Variants in GPC3 observed in about 807,000 individuals in gnomAD.
GPC3 encodes glypican 3.
In GPC3, 3 loss-of-function variants were observed where a neutral mutation model predicts 34.4. The ratio of observed to expected loss-of-function variants is 0.09; its 90% CI spans 0.04 to 0.23. The LOEUF is 0.23. Ranked by LOEUF, GPC3 falls within the 10% of genes least tolerant of loss-of-function variation. The pLI, the probability that GPC3 is intolerant of heterozygous loss-of-function variation, is 1.00. For missense variants in GPC3, 351 were observed against 445.6 expected, an observed-to-expected ratio of 0.79 and a Z score of 1.91; for synonymous variants, 177 against 174.0, an observed-to-expected ratio of 1.02 and a Z score of -0.13.
rs192882687 is a variant in GPC3 at position 133,722,890 on chromosome X, C to G, written c.1033-22862G>C. ...CAGGTGAATTGAGAAGAGTCTGACC[C>G]CTGAACAAAAACAGCACAAAGAGAC... is the stretch of plus-strand genomic sequence containing the variant. On this transcript the variant is annotated intron_variant, in intron 3 of 7. Coordinates refer to ENST00000370818, the MANE Select transcript of GPC3 (RefSeq NM_004484.4). Among the ~76,000 whole-genome samples the G allele has an allele frequency of 2.9e-4, 32 of 111,469 alleles. No homozygotes were observed. In the East Asian group the frequency reaches 8.6e-3, roughly 30 times the overall value.
At chrX:133,730,279 C>G (rs1302665964) in intron 3 of GPC3, among the ~76,000 whole-genome samples, 5 of 112,172 alleles carry the variant, frequency 4.5e-5, no homozygotes, top group Non-Finnish European at 9.4e-5. Flanking sequence ...CATGGCCCAA[C>G]AGATACCTTT....
chrX:133,628,655 CAA>C (rs374067368), intron 6 of GPC3, among the ~76,000 whole-genome samples: 8 of 79,350 alleles, frequency 1.0e-4, no homozygotes, highest in Admixed American at 2.9e-4. Context: ...GACTCTGTCT[CAA>C]AAAAAAAAAA....
At chrX:133,903,832 G>A (rs980166583) in intron 2 of GPC3, among the ~76,000 whole-genome samples, 1 of 111,098 alleles carries the variant, frequency 9.0e-6, no homozygotes, top group Non-Finnish European at 1.9e-5. Context: ...ATCTGGGTCT[G>A]GTTTCTGATC....
intron 2 of GPC3, among the ~76,000 whole-genome samples, chrX:133,818,304 G>T (rs2075702178): frequency 2.7e-5 from 3 of 111,796 alleles, no homozygotes; most frequent in African/African-American, 9.8e-5. Context: ...AATTACTGAA[G>T]AACATGCACA....
chrX:133,936,122 G>T (rs1379605202), intron 2 of GPC3, among the ~76,000 whole-genome samples: 1 of 105,831 alleles, frequency 9.4e-6, no homozygotes, highest in East Asian at 2.9e-4. Flanking sequence ...ATGGTGTTTC[G>T]CCATATTGCC....
At chrX:133,793,404 G>A (rs900929265) in intron 2 of GPC3, among the ~76,000 whole-genome samples, 1 of 111,905 alleles carries the variant, frequency 8.9e-6, no homozygotes, top group African/African-American at 3.3e-5. Flanking sequence ...TTATTGTGAT[G>A]GCATAGGTTT....
chrX:133,716,734 AAGAG>A (rs1454516859), intron 3 of GPC3, among the ~76,000 whole-genome samples: 1 of 111,532 alleles, frequency 9.0e-6, no homozygotes, highest in East Asian at 2.8e-4. Context: ...TCAGAGAGAG[AAGAG>A]AGAAAGAAAA....
At chrX:133,820,881 T>G (rs1603253919) in intron 2 of GPC3, among the ~76,000 whole-genome samples, 1 of 111,848 alleles carries the variant, frequency 8.9e-6, no homozygotes, top group East Asian at 2.8e-4. Context: ...TGGGAGATAG[T>G]ACAAGAGTGT....
intron 2 of GPC3, among the ~76,000 whole-genome samples, chrX:133,786,295 C>T (rs1455195970): frequency 9.0e-6 from 1 of 111,249 alleles, no homozygotes; most frequent in East Asian, 2.8e-4. Flanking sequence ...CTCGGGAGGC[C>T]GAGGCAGGAG....
At chrX:133,898,735 T>C (rs774803550) in intron 2 of GPC3, among the ~76,000 whole-genome samples, 11 of 112,009 alleles carry the variant, frequency 9.8e-5, no homozygotes, top group Non-Finnish European at 1.3e-4. Flanking sequence ...AATCTATTAC[T>C]GCTAAGTGCA....
intron 3 of GPC3, among the ~76,000 whole-genome samples, chrX:133,718,707 G>T (rs1185218681): frequency 9.0e-6 from 1 of 111,280 alleles, no homozygotes; most frequent in East Asian, 2.8e-4. Context: ...GTCTACAAGA[G>T]ACACACTTTA....
At chrX:133,569,361 G>T (rs1239361383) in intron 7 of GPC3, among the ~76,000 whole-genome samples, 1 of 111,625 alleles carries the variant, frequency 9.0e-6, no homozygotes, top group Non-Finnish European at 1.9e-5. Context: ...CCAGCCAAAT[G>T]CCAGGAAGAT....
rs186054085 is a variant in GPC3 at position 133,894,577 on chromosome X, C to T, written c.337+58473G>A. 5.2e-3 allele frequency among the ~76,000 whole-genome samples: 579 copies of T among 112,117 alleles called. 19 individuals carry two copies. Among genetic ancestry groups the T allele is most frequent in the Admixed American group, 0.048 (505 of 10,594 alleles). ...TGAAGAGGCCGGGCACGGTGGCTCACGCCTGTGGTCCTAGTACTTTGGGAG... is the reference window on the plus strand; with the variant it reads ...TGAAGAGGCCGGGCACGGTGGCTCATGCCTGTGGTCCTAGTACTTTGGGAG... On this transcript the variant is annotated intron_variant, in intron 2 of 7. Coordinates refer to ENST00000370818, the MANE Select transcript of GPC3 (RefSeq NM_004484.4).
intron 5 of GPC3, among the ~76,000 whole-genome samples, chrX:133,680,073 C>G (rs1243379254): frequency 2.7e-5 from 3 of 111,857 alleles, no homozygotes; most frequent in African/African-American, 6.5e-5. Flanking sequence ...AGCCTTAACC[C>G]AGACAAAGGT....
intron 2 of GPC3, among the ~76,000 whole-genome samples, chrX:133,872,918 T>C (rs192999232): frequency 8.9e-6 from 1 of 112,571 alleles, no homozygotes; most frequent in African/African-American, 3.2e-5. Context: ...TTCTGAATGA[T>C]GGCTGCCTCC....
At chrX:133,855,549 A>ATATATATATATATATATAT in intron 2 of GPC3, among the ~76,000 whole-genome samples, 22 of 105,898 alleles carry the variant, frequency 2.1e-4, no homozygotes, top group Non-Finnish European at 2.9e-4. Flanking sequence ...ATATATATAT[A>ATATATATATATATATATAT]GTAAAATGGT....
Position 133,753,776 on chromosome X carries a change from C to A in GPC3, c.738G>T (p.Leu246=). ...TTCGGCCACAGTCCTTACTGAACTT[C>A]AGGTGATCAGTTGTGTTGATCACTT... is the stretch of plus-strand genomic sequence containing the variant. ...GIEVINTTDH[L]KFSKDCGRML... The change falls in exon 3 of 8, where the codon CTG becomes CTT. Residue 246 remains leucine, a synonymous_variant. Coordinates refer to ENST00000370818, the MANE Select transcript of GPC3 (RefSeq NM_004484.4). 1.7e-6 allele frequency: 2 copies of A among 1,211,590 alleles called. No individual in the cohort carries two copies. The highest frequency in any genetic ancestry group is 2.2e-6 in the Non-Finnish European group (2 of 895,227).
intron 2 of GPC3, among the ~76,000 whole-genome samples, chrX:133,842,702 G>A (rs181958055): frequency 2.1e-3 from 228 of 110,962 alleles, no homozygotes; most frequent in Non-Finnish European, 3.2e-3. Flanking sequence ...TATTAAGACA[G>A]AAAAGTAGGA....
In GPC3 at chrX:133,625,850, T is replaced by C. The variant is rs766457296; in HGVS notation, c.1414-29251A>G. On this transcript the variant is annotated intron_variant, in intron 6 of 7. Transcript: ENST00000370818. ...ATATGGAACCAAAAAAGAGCCTGCA[T>C]TGCCAAGACAATCCTAAGCCAAAAG... Among the ~76,000 whole-genome samples, 330 of 112,454 alleles carry C rather than the reference T, an allele frequency of 2.9e-3. 2 individuals carry two copies. The highest frequency in any genetic ancestry group is 4.6e-3 in the Middle Eastern group (1 of 219).
Sources: allele counts gnomAD v4.1 joint callset (sites outside exome capture counted in the v4.1 genomes callset), GRCh38; gene constraint gnomAD v4.1.1; transcripts MANE v1.5; gene names NCBI Gene and HGNC (gene_info 2026-07-23, HGNC 2026-07-21).